The following MDFIC2 variants were observed in gnomAD, a reference collection of about 807,000 sequenced individuals.
The protein encoded by MDFIC2 is MyoD family inhibitor domain containing 2, also known as myoD family inhibitor domain-containing protein 2.
At chr3:70,268,337 T>C (rs1000907783) in intron 2 of MDFIC2, among the ~76,000 whole-genome samples, 11 of 152,058 alleles carry the variant, frequency 7.2e-5, no homozygotes, top group Admixed American at 6.5e-5. Context: ...TAGCCAGGCG[T>C]GGTTGTGTGC....
chr3:70,228,363 T>G (rs1241094422), intron 2 of MDFIC2, among the ~76,000 whole-genome samples: 1 of 152,136 alleles, frequency 6.6e-6, no homozygotes, highest in Non-Finnish European at 1.5e-5. Context: ...TAATTCATCT[T>G]CAGGATAGCT....
chr3:70,303,971 T>C (rs562033177), intron 2 of MDFIC2, among the ~76,000 whole-genome samples: 2 of 152,278 alleles, frequency 1.3e-5, no homozygotes, highest in East Asian at 3.9e-4. Flanking sequence ...GCATGAGCCA[T>C]CATGCCCAGC....
In MDFIC2 at chr3:70,245,295, T is replaced by G. The variant is rs571613019; in HGVS notation, c.89-38505A>C. Among the ~76,000 whole-genome samples the G allele has an allele frequency of 1.1e-4, 16 of 152,182 alleles. No homozygotes were observed. In the South Asian group the frequency reaches 3.3e-3, roughly 32 times the overall value. ...TGAAATTTTGGTGATATAAAATTAC[T>G]TTTGGATAACATTTTCCTCTCTCAT... On this transcript the variant is annotated intron_variant, in intron 2 of 3. Transcript: ENST00000567252.
intron 2 of MDFIC2, among the ~76,000 whole-genome samples, chr3:70,210,438 C>T (rs761101047): frequency 1.1e-4 from 17 of 152,056 alleles, no homozygotes; most frequent in Admixed American, 2.6e-4. Flanking sequence ...AGAATTCTGA[C>T]ATCTGAAGTG....
chr3:70,311,525 A>G (rs912755222), intron 2 of MDFIC2, among the ~76,000 whole-genome samples: 1 of 152,226 alleles, frequency 6.6e-6, no homozygotes, highest in Non-Finnish European at 1.5e-5. Flanking sequence ...TGTGATTATT[A>G]TTTAAAAATA....
intron 2 of MDFIC2, among the ~76,000 whole-genome samples, chr3:70,267,394 CTTTTTTTTTTTTTTTT>C (rs9310185): frequency 1.3e-5 from 1 of 74,844 alleles, no homozygotes; most frequent in Non-Finnish European, 2.3e-5. Flanking sequence ...TTTTTAATAG[CTTTTTTTTTTTTTTTT>C]TTTTTTTTTT....
chr3:70,221,673 C>T (rs1297471722), intron 2 of MDFIC2, among the ~76,000 whole-genome samples: 1 of 152,050 alleles, frequency 6.6e-6, no homozygotes, highest in Non-Finnish European at 1.5e-5. Context: ...AGTGACTGGT[C>T]AATGATGCCA....
At chr3:70,238,386 A>T (rs914753007) in intron 2 of MDFIC2, among the ~76,000 whole-genome samples, 3 of 152,044 alleles carry the variant, frequency 2.0e-5, no homozygotes, top group Non-Finnish European at 2.9e-5. Flanking sequence ...AGGCAAGAGG[A>T]TCATTTGAGC....
intron 2 of MDFIC2, among the ~76,000 whole-genome samples, chr3:70,308,865 G>A (rs141063796): frequency 9.9e-5 from 15 of 152,196 alleles, no homozygotes; most frequent in African/African-American, 3.4e-4. Context: ...AGTGCACTCA[G>A]TGCTTTGTGT....
At chr3:70,285,519 C>T (rs1230123509) in intron 2 of MDFIC2, among the ~76,000 whole-genome samples, 3 of 151,810 alleles carry the variant, frequency 2.0e-5, no homozygotes, top group African/African-American at 7.3e-5. Flanking sequence ...AATAAAAATA[C>T]GTGTGCATGT....
chr3:70,196,845 A>G lies in MDFIC2; in HGVS notation c.*81T>C, dbSNP rs1701186417. The G allele has an allele frequency of 7.5e-6, 3 of 397,880 alleles. No individual in the cohort carries two copies. Among genetic ancestry groups the G allele is most frequent in the Non-Finnish European group, 1.3e-5 (3 of 225,886 alleles). The allele number at this position is 397,880 out of a possible 1,614,324, so 24.6% of individuals were successfully genotyped here. ...GAAATGTGTACAGTCCTTACATTTC[A>G]GCACATGGAAATCAGTCTTGTTGTA... is the stretch of plus-strand genomic sequence containing the variant. On this transcript the variant is annotated 3_prime_UTR_variant, in exon 4 of 4. Transcript: ENST00000567252.
At chr3:70,255,959 G>C (rs188529852) in intron 2 of MDFIC2, among the ~76,000 whole-genome samples, 1 of 151,614 alleles carries the variant, frequency 6.6e-6, no homozygotes, top group Non-Finnish European at 1.5e-5. Context: ...TTTACAACAC[G>C]TAATTGAAAA....
chr3:70,256,788 C>T (rs908799371), intron 2 of MDFIC2, among the ~76,000 whole-genome samples: 3 of 152,146 alleles, frequency 2.0e-5, no homozygotes, highest in African/African-American at 7.2e-5. Context: ...GTTAAGAGTT[C>T]TCTAAACATA....
At position 70,286,680 on chromosome 3, in the gene MDFIC2, C is replaced by G. The variant is rs1229334304; in HGVS notation, c.88+25206G>C. On this transcript the variant is annotated intron_variant, in intron 2 of 3. Coordinates refer to ENST00000567252, the MANE Select transcript of MDFIC2 (RefSeq NM_001364677.1). Reference sequence around the variant, plus strand: ...GGCCATTTTCATGATATTGATTCTTCCTACCCATGAGCATGGAATGTTCTT... The same window carrying G: ...GGCCATTTTCATGATATTGATTCTTGCTACCCATGAGCATGGAATGTTCTT... Among the ~76,000 whole-genome samples the G allele has an allele frequency of 3.3e-5, 5 of 152,054 alleles. No homozygotes were observed. In the South Asian group the frequency reaches 1.0e-3, roughly 31 times the overall value.
At chr3:70,284,085 A>G (rs981942530) in intron 2 of MDFIC2, among the ~76,000 whole-genome samples, 3 of 152,102 alleles carry the variant, frequency 2.0e-5, no homozygotes, top group African/African-American at 7.2e-5. Flanking sequence ...CCTCAGTTGG[A>G]CTGGTTTTCA....
intron 2 of MDFIC2, among the ~76,000 whole-genome samples, chr3:70,252,874 G>T (rs1701782257): frequency 6.6e-6 from 1 of 152,080 alleles, no homozygotes; most frequent in African/African-American, 2.4e-5. Flanking sequence ...GAGGTCAGGA[G>T]TTCGAGACCA....
chr3:70,214,625 T>C (rs1701387331), intron 2 of MDFIC2, among the ~76,000 whole-genome samples: 2 of 148,404 alleles, frequency 1.3e-5, no homozygotes, highest in African/African-American at 5.0e-5. Flanking sequence ...TTTTTTTATC[T>C]AACTATTCTG....
intron 2 of MDFIC2, among the ~76,000 whole-genome samples, chr3:70,227,699 T>C (rs1210986008): frequency 6.6e-6 from 1 of 152,208 alleles, no homozygotes; most frequent in Non-Finnish European, 1.5e-5. Flanking sequence ...TGCCAGATAG[T>C]GTTCTGAGGC....
chr3:70,215,711 A>G (rs1196942903), intron 2 of MDFIC2, among the ~76,000 whole-genome samples: 1 of 152,260 alleles, frequency 6.6e-6, no homozygotes, highest in Non-Finnish European at 1.5e-5. Context: ...CCTTGAGGAA[A>G]TACATAAGCC....
Sources: allele counts gnomAD v4.1 joint callset (sites outside exome capture counted in the v4.1 genomes callset), GRCh38; gene constraint gnomAD v4.1.1; transcripts MANE v1.5; gene names NCBI Gene and HGNC (gene_info 2026-07-23, HGNC 2026-07-21).